Variants in ZNF766 observed in about 807,000 individuals in gnomAD.
ZNF766 encodes the protein zinc finger protein 766.
In ZNF766, 13 loss-of-function variants were observed where a neutral mutation model predicts 13.2. The observed-to-expected ratio is 0.98, with a 90% CI of 0.64 to 1.56. The LOEUF is 1.56. Ranked by LOEUF, ZNF766 falls within the 40% of genes most tolerant of loss-of-function variation. The pLI is 0.00. For synonymous variants in ZNF766, 178 were observed against 187.6 expected (o/e 0.95, Z 0.42); for missense variants, 521 against 552.2 (o/e 0.94, Z 0.57).
chr19:52,270,518 G>A (rs1433766561), intron 1 of ZNF766, among the ~76,000 whole-genome samples: 1 of 152,002 alleles, frequency 6.6e-6, no homozygotes, highest in African/African-American at 2.4e-5. Context: ...GAGAGGAGGA[G>A]GGATTTGGAG....
At position 52,291,979 on chromosome 19, in the gene ZNF766, A is replaced by G. The variant is rs1432656469; in HGVS notation, c.*781A>G. Reference sequence around the variant, plus strand: ...TCCAGCTACTCAAGAGGCCGAGGCAAGAGGATTGCTCAAGCCCAGGAGTTT... The same window carrying G: ...TCCAGCTACTCAAGAGGCCGAGGCAGGAGGATTGCTCAAGCCCAGGAGTTT... On this transcript the variant is annotated 3_prime_UTR_variant, in exon 4 of 4. Coordinates refer to ENST00000439461, the MANE Select transcript of ZNF766 (RefSeq NM_001010851.3). 1 of 563,868 alleles carries G rather than the reference A, an allele frequency of 1.8e-6. No homozygotes were observed. The highest frequency in any genetic ancestry group is 2.3e-5 in the South Asian group (1 of 42,766). 34.9% of individuals were successfully genotyped at this position (563,868 alleles called of 1,614,324 possible).
chr19:52,287,173 C>T (rs889433880), intron 3 of ZNF766, among the ~76,000 whole-genome samples: 3 of 151,216 alleles, frequency 2.0e-5, no homozygotes, highest in Non-Finnish European at 4.4e-5. Context: ...GACGGAGTCT[C>T]GCCCGGTCGC....
In ZNF766 at chr19:52,290,531, AGT is replaced by A; in HGVS notation, c.744_745del (p.Cys248TrpfsTer26). ...GGAGAGAAACCTTACAAATGTAAAGAGTGTGGCAAGCTCTTCAATCGAATTGC... is the reference window on the plus strand; with the variant it reads ...GGAGAGAAACCTTACAAATGTAAAGAGTGGCAAGCTCTTCAATCGAATTGC... On this transcript the variant is annotated frameshift_variant, in exon 4 of 4. Transcript: ENST00000439461. LOFTEE classifies it low-confidence loss of function (END_TRUNC). The A allele has an allele frequency of 4.3e-6, 7 of 1,614,202 alleles. No individual in the cohort carries two copies. Among genetic ancestry groups the A allele is most frequent in the Non-Finnish European group, 5.9e-6 (7 of 1,180,020 alleles).
rs1568625637 is a variant in ZNF766 at position 52,294,816 on chromosome 19, A to G, written c.*3618A>G. 1 of 152,118 alleles carries G rather than the reference A, an allele frequency of 6.6e-6. No individual in the cohort carries two copies. Among genetic ancestry groups the G allele is most frequent in the Admixed American group, 6.5e-5 (1 of 15,276 alleles). 9.4% of individuals were successfully genotyped at this position (152,118 alleles called of 1,614,324 possible). On this transcript the variant is annotated 3_prime_UTR_variant, in exon 4 of 4. Transcript: ENST00000439461. ...AATATCTTACGTTCCTTTTATAGTT[A>G]CAGATACAGGTCTCATTGCACAATA...
chr19:52,283,980 C>T (rs550012806), intron 3 of ZNF766, among the ~76,000 whole-genome samples: 56 of 152,346 alleles, frequency 3.7e-4, no homozygotes, highest in African/African-American at 1.3e-3. Context: ...TCGTGATCCG[C>T]CCGCCTTGGC....
In ZNF766 at chr19:52,276,546, A is replaced by G. The variant is rs909801535; in HGVS notation, c.19-5565A>G. Among the ~76,000 whole-genome samples, 3 of 151,860 alleles carry G rather than the reference A, an allele frequency of 2.0e-5. No homozygotes were observed. In the South Asian group the frequency reaches 6.2e-4, roughly 32 times the overall value. On this transcript the variant is annotated intron_variant, in intron 1 of 3. Transcript: ENST00000439461. Reference sequence around the variant, plus strand: ...ATAGTAGTCTTTTTGATCAGATCCAATTTTGTGGTACCTCATTGGTTTTGT... The same window carrying G: ...ATAGTAGTCTTTTTGATCAGATCCAGTTTTGTGGTACCTCATTGGTTTTGT...
rs1188659714 is a variant in ZNF766, at chr19:52,290,898, C to T, written c.1107C>T (p.Ser369=). ...ACAAAGCTTTTAGGCACAAGTTCTC[C>T]CTGACAGTTCATCAGAGAAATCATA... ...ECDKAFRHKF[S]LTVHQRNHNG... The change falls in exon 4 of 4, where the codon TCC becomes TCT. Residue 369 remains serine (S), a synonymous_variant. Transcript: ENST00000439461. The T allele has an allele frequency of 1.9e-6, 3 of 1,613,994 alleles. No individual in the cohort carries two copies. Among genetic ancestry groups the T allele is most frequent in the Non-Finnish European group, 1.7e-6 (2 of 1,179,986 alleles).
At chr19:52,290,007 A>C in intron 3 of ZNF766, 59 bp from the exon 4 acceptor site, 7 of 1,517,846 alleles carry the variant, frequency 4.6e-6, no homozygotes, top group Non-Finnish European at 5.3e-6. Flanking sequence ...ACTCAAAAAA[A>C]GTGCAAAAAA....
chr19:52,290,155 G>T lies in ZNF766; in HGVS notation c.364G>T (p.Glu122Ter). The T allele has an allele frequency of 6.2e-7, 1 of 1,614,132 alleles. No homozygotes were observed. The highest frequency in any genetic ancestry group is 8.5e-7 in the Non-Finnish European group (1 of 1,179,966). ...LTFQLPLPEL[E>*]IFQGEGKIYE... is the part of the protein sequence containing the mutation. ...CTTTCAGTTACCTCTGCCAGAACTG[G>T]AGATATTTCAAGGTGAAGGGAAGAT... Residue 122 changes from glutamate to a stop codon, truncating the protein, a stop_gained, in exon 4 of 4, where the codon GAG (glutamate) becomes TAG (stop). Transcript: ENST00000439461. LOFTEE classifies it low-confidence loss of function (END_TRUNC).
At position 52,292,860 on chromosome 19, in the gene ZNF766, C is replaced by T. The variant is rs189898105; in HGVS notation, c.*1662C>T. 6 of 152,288 alleles carry T rather than the reference C, an allele frequency of 3.9e-5. No individual in the cohort carries two copies. The highest frequency in any genetic ancestry group is 2.0e-4 in the Admixed American group (3 of 15,286). 9.4% of individuals were successfully genotyped at this position (152,288 alleles called of 1,614,324 possible). A position where few individuals can be genotyped will look rare whatever the true frequency, so the allele number is the denominator to read the frequency against. Reference sequence around the variant, plus strand: ...ATTAAAGTTCTAGTGTACATGTCCACAACATGCAGGTTTGTTACATAGGTA... The same window carrying T: ...ATTAAAGTTCTAGTGTACATGTCCATAACATGCAGGTTTGTTACATAGGTA... On this transcript the variant is annotated 3_prime_UTR_variant, in exon 4 of 4. Transcript: ENST00000439461.
At chr19:52,273,066 T>TG (rs1981044003) in intron 1 of ZNF766, among the ~76,000 whole-genome samples, 1 of 152,026 alleles carries the variant, frequency 6.6e-6, no homozygotes, top group Non-Finnish European at 1.5e-5. Flanking sequence ...TGGAGTGCAG[T>TG]GGTGTGATCT....
chr19:52,293,349 AT>A lies in ZNF766; in HGVS notation c.*2156del. 6.6e-6 allele frequency: 1 copy of A among 151,382 alleles called. No homozygotes were observed. The highest frequency in any genetic ancestry group is 1.5e-5 in the Non-Finnish European group (1 of 67,846). 9.4% of individuals were successfully genotyped at this position (151,382 alleles called of 1,614,324 possible). The stretch of plus-strand genomic sequence containing the variant: ...CACCATACCCGGCTAATTTTTTTGT[AT>A]TTTTAGTAGAGATGGGGTTTCACCA... On this transcript the variant is annotated 3_prime_UTR_variant, in exon 4 of 4. Coordinates refer to ENST00000439461, the MANE Select transcript of ZNF766 (RefSeq NM_001010851.3).
chr19:52,290,494 A>C lies in ZNF766; in HGVS notation c.703A>C (p.Arg235=). 1.2e-6 allele frequency: 2 copies of C among 1,614,088 alleles called. No individual in the cohort carries two copies. The highest frequency in any genetic ancestry group is 2.2e-5 in the South Asian group (2 of 91,090). The change falls in exon 4 of 4, where the codon AGA becomes CGA. Residue 235 remains arginine, a synonymous_variant. Transcript: ENST00000439461. ...RDKSGLAEHW[R]IRTGEKPYKC... is the part of the protein sequence containing the mutation. ...CAAGTCAGGCCTCGCAGAACATTGG[A>C]GAATTCGTACAGGAGAGAAACCTTA... is the stretch of plus-strand genomic sequence containing the variant.
At chr19:52,270,118 C>T (rs1309836412) in intron 1 of ZNF766, among the ~76,000 whole-genome samples, 1 of 152,142 alleles carries the variant, frequency 6.6e-6, no homozygotes. Flanking sequence ...ACGGCTTCTC[C>T]GGATCCTGTG....
chr19:52,295,887 T>G lies in ZNF766; in HGVS notation c.*4689T>G, dbSNP rs1982325801. 6.6e-6 allele frequency: 1 copy of G among 151,958 alleles called. No individual in the cohort carries two copies. Among genetic ancestry groups the G allele is most frequent in the South Asian group, 2.1e-4 (1 of 4,822 alleles). The allele number at this position is 151,958 out of a possible 1,614,324, so 9.4% of individuals were successfully genotyped here. A position where few individuals can be genotyped will look rare whatever the true frequency, so the allele number is the denominator to read the frequency against. ...GTTTTTTGGGATTTCTGTTGGTTTG[T>G]TTTGTTTTTTGCTTTTCTACATAAT... On this transcript the variant is annotated 3_prime_UTR_variant, in exon 4 of 4. Transcript: ENST00000439461.
intron 1 of ZNF766, among the ~76,000 whole-genome samples, chr19:52,278,315 T>C (rs1263627203): frequency 1.3e-5 from 2 of 152,206 alleles, no homozygotes; most frequent in African/African-American, 4.8e-5. Context: ...TCTCTAATGA[T>C]CAGTGATACT....
At chr19:52,289,916 G>A (rs2122491974) in intron 3 of ZNF766, 150 bp from the exon 4 acceptor site, 1 of 717,168 alleles carries the variant, frequency 1.4e-6, no homozygotes, top group Non-Finnish European at 2.2e-6. Flanking sequence ...CAGGAGAATG[G>A]CGGGAACCTG....
chr19:52,283,918 A>G (rs1426775323), intron 3 of ZNF766, among the ~76,000 whole-genome samples: 1 of 152,128 alleles, frequency 6.6e-6, no homozygotes, highest in Non-Finnish European at 1.5e-5. Flanking sequence ...TTGTATTTTT[A>G]GTACAGACGA....
At chr19:52,275,499 G>A (rs1314665896) in intron 1 of ZNF766, 4 of 152,164 alleles carry the variant, frequency 2.6e-5, no homozygotes, top group African/African-American at 9.6e-5. Flanking sequence ...TAAATGTGCA[G>A]TGTTTATAAA....
Sources: allele counts gnomAD v4.1 joint callset (sites outside exome capture counted in the v4.1 genomes callset), GRCh38; gene constraint gnomAD v4.1.1; transcripts MANE v1.5; gene names NCBI Gene and HGNC (gene_info 2026-07-23, HGNC 2026-07-21).